DTD1: variants seen among roughly 807,000 people sequenced by gnomAD.
DTD1 encodes D-tyrosyl-tRNA deacylase 1 homolog.
DTD1 carries 13 observed loss-of-function variants against 25.6 expected under a neutral mutation model. The ratio of observed to expected loss-of-function variants is 0.51; its 90% CI spans 0.33 to 0.81. DTD1 has a LOEUF of 0.81. DTD1 is among the 30% of genes least tolerant of loss of function. The pLI is 0.02. For synonymous variants in DTD1, 110 were observed against 103.6 expected (o/e 1.06, Z -0.37); for missense variants, 193 against 266.4 (o/e 0.72, Z 1.92).
intron 4 of DTD1, among the ~76,000 whole-genome samples, chr20:18,629,818 C>A (rs919494760): frequency 1.4e-4 from 21 of 151,970 alleles, no homozygotes; most frequent in Non-Finnish European, 2.8e-4. Flanking sequence ...GCAGGCACAT[C>A]TTCACATGGC....
chr20:18,645,741 G>T (rs549281544), intron 4 of DTD1, among the ~76,000 whole-genome samples: 95 of 152,284 alleles, frequency 6.2e-4, no homozygotes, highest in Middle Eastern at 3.4e-3. Context: ...AAGGTCTGTG[G>T]CCTTCAGCCT....
intron 2 of DTD1, among the ~76,000 whole-genome samples, 167 bp from the exon 3 acceptor site, chr20:18,595,839 G>A (rs55761805): frequency 0.017 from 2,549 of 152,244 alleles, 40 homozygotes; most frequent in South Asian, 0.03. Flanking sequence ...TGAGGACACT[G>A]AAGCACAGGG....
chr20:18,713,985 CCT>C (rs1461407021), intron 4 of DTD1, among the ~76,000 whole-genome samples: 1 of 152,154 alleles, frequency 6.6e-6, no homozygotes, highest in East Asian at 1.9e-4. Flanking sequence ...GGAGCCCTGA[CCT>C]CCAGCCTGCA....
intron 4 of DTD1, among the ~76,000 whole-genome samples, chr20:18,733,785 A>C (rs1002994215): frequency 6.6e-6 from 1 of 152,212 alleles, no homozygotes; most frequent in Non-Finnish European, 1.5e-5. Flanking sequence ...AAAAAATTCT[A>C]CAAAAACCTC....
chr20:18,704,771 T>G (rs1312711830), intron 4 of DTD1, among the ~76,000 whole-genome samples: 1 of 151,920 alleles, frequency 6.6e-6, no homozygotes, highest in African/African-American at 2.4e-5. Context: ...ATTATCCAGC[T>G]CCGAATGTCA....
chr20:18,699,607 G>T (rs369550546), intron 4 of DTD1, among the ~76,000 whole-genome samples: 1 of 152,168 alleles, frequency 6.6e-6, no homozygotes, highest in Non-Finnish European at 1.5e-5. Flanking sequence ...CTATAAAGTG[G>T]AAGAGGAGCC....
intron 4 of DTD1, among the ~76,000 whole-genome samples, chr20:18,727,904 G>C (rs931489484): frequency 6.6e-6 from 1 of 152,204 alleles, no homozygotes; most frequent in Admixed American, 6.5e-5. Context: ...CGGTGGATGG[G>C]CATTTGTGGG....
intron 5 of DTD1, among the ~76,000 whole-genome samples, chr20:18,747,855 C>A (rs140872599): frequency 3.4e-4 from 49 of 142,392 alleles, no homozygotes; most frequent in Admixed American, 4.9e-4. Context: ...ATAAAAAATA[C>A]AAAAAAAAAA....
intron 4 of DTD1, among the ~76,000 whole-genome samples, chr20:18,721,869 C>CACT (rs1555802831): frequency 6.6e-6 from 1 of 151,894 alleles, no homozygotes; most frequent in South Asian, 2.1e-4. Flanking sequence ...TCCAGCCCTG[C>CACT]GCTCTGTCCT....
At chr20:18,762,339 A>G (rs1322682097) in intron 5 of DTD1, among the ~76,000 whole-genome samples, 1 of 152,248 alleles carries the variant, frequency 6.6e-6, no homozygotes, top group Non-Finnish European at 1.5e-5. Flanking sequence ...CTTTTGGATG[A>G]CAAATGCATG....
chr20:18,761,252 C>T (rs1411204902), intron 5 of DTD1, among the ~76,000 whole-genome samples: 3 of 152,056 alleles, frequency 2.0e-5, no homozygotes, highest in Non-Finnish European at 4.4e-5. Flanking sequence ...TCCAGCAATC[C>T]CCAGTGAGAT....
intron 3 of DTD1, 127 bp downstream of exon 3, chr20:18,596,368 A>G: frequency 2.7e-6 from 2 of 739,762 alleles, no homozygotes; most frequent in African/African-American, 1.8e-5. Flanking sequence ...CTTACTTAGA[A>G]CCACATACTA....
chr20:18,655,357 AT>A (rs1170500504), intron 4 of DTD1, among the ~76,000 whole-genome samples: 8 of 152,352 alleles, frequency 5.3e-5, no homozygotes, highest in East Asian at 1.9e-4. Context: ...CAGTTGCTTT[AT>A]CTGTATGAGT....
intron 4 of DTD1, chr20:18,631,415 T>C: frequency 2.0e-6 from 2 of 985,844 alleles, no homozygotes; most frequent in Non-Finnish European, 2.4e-6. Context: ...TTCCACCTCC[T>C]CAGCAGCTTC....
chr20:18,652,406 G>A lies in DTD1; in HGVS notation c.477+24173G>A, dbSNP rs575853384. The stretch of plus-strand genomic sequence containing the variant: ...GGATTAAAAGTCAGTCACAATCTTG[G>A]ACAACATTTTTACTTTCTGGTGCGT... On this transcript the variant is annotated intron_variant, in intron 4 of 5. Transcript: ENST00000377452. 2.0e-5 allele frequency among the ~76,000 whole-genome samples: 3 copies of A among 152,312 alleles called. No individual in the cohort carries two copies. In the South Asian group the frequency reaches 6.2e-4, roughly 32 times the overall value.
intron 4 of DTD1, among the ~76,000 whole-genome samples, chr20:18,684,832 G>C (rs117224425): frequency 1.3e-5 from 2 of 152,104 alleles, no homozygotes; most frequent in South Asian, 2.1e-4. Flanking sequence ...AGCTAAAGTC[G>C]GAAGTTTCTC....
At chr20:18,697,458 C>A (rs896851695) in intron 4 of DTD1, among the ~76,000 whole-genome samples, 4 of 152,172 alleles carry the variant, frequency 2.6e-5, no homozygotes, top group Admixed American at 2.6e-4. Flanking sequence ...ATTCCTTAAA[C>A]AAAATGCTTG....
chr20:18,688,495 A>T (rs2061026583), intron 4 of DTD1, among the ~76,000 whole-genome samples: 1 of 152,110 alleles, frequency 6.6e-6, no homozygotes, highest in Non-Finnish European at 1.5e-5. Flanking sequence ...GTGGGATGGG[A>T]AGAGCACTCC....
intron 1 of DTD1, chr20:18,592,330 G>A (rs2060592720): frequency 6.6e-6 from 1 of 152,190 alleles, no homozygotes; most frequent in African/African-American, 2.4e-5. Flanking sequence ...TACAGATTTA[G>A]CTGGGTATGA....
Sources: allele counts gnomAD v4.1 joint callset (sites outside exome capture counted in the v4.1 genomes callset), GRCh38; gene constraint gnomAD v4.1.1; transcripts MANE v1.5; gene names NCBI Gene and HGNC (gene_info 2026-07-23, HGNC 2026-07-21).